TASP1: variants seen among roughly 807,000 people sequenced by gnomAD.
TASP1 encodes threonine aspartase 1.
TASP1 carries 16 observed loss-of-function variants against 56.6 expected under a neutral mutation model. The ratio of observed to expected loss-of-function variants is 0.28; its 90% confidence interval spans 0.19 to 0.43. The LOEUF is 0.43. Among genes scored for constraint, TASP1 ranks in the 20% least tolerant of loss-of-function variants. The pLI, the probability that TASP1 is intolerant of heterozygous loss-of-function variation, is 1.00. For missense variants in TASP1, 393 were observed against 511.6 expected, an observed-to-expected ratio of 0.77 and a Z score of 2.24; for synonymous variants, 179 against 184.2, an observed-to-expected ratio of 0.97 and a Z score of 0.23.
At chr20:13,397,409 AT>A (rs1338107963) in intron 13 of TASP1, among the ~76,000 whole-genome samples, 2 of 151,234 alleles carry the variant, frequency 1.3e-5, no homozygotes, top group Non-Finnish European at 2.9e-5. Flanking sequence ...TACTATACCT[AT>A]TTTTTTCAGA....
the TASP1 span, among the ~76,000 whole-genome samples, chr20:13,246,997 A>G: frequency 6.6e-6 from 1 of 152,084 alleles, no homozygotes; most frequent in Non-Finnish European, 1.5e-5. Flanking sequence ...GCACTTTGGG[A>G]GGCTGAGGCG....
chr20:13,381,700 TCAG>T, the TASP1 span, among the ~76,000 whole-genome samples: 1 of 152,194 alleles, frequency 6.6e-6, no homozygotes, highest in Non-Finnish European at 1.5e-5. Flanking sequence ...TTAGATAAAT[TCAG>T]TTTCTTTGGA....
chr20:13,309,673 G>A, the TASP1 span, among the ~76,000 whole-genome samples: 1 of 152,110 alleles, frequency 6.6e-6, no homozygotes, highest in East Asian at 1.9e-4. Flanking sequence ...GTTTGCAGAT[G>A]GTATTATCTT....
chr20:13,515,659 C>A (rs2146754918), intron 10 of TASP1, among the ~76,000 whole-genome samples: 1 of 151,716 alleles, frequency 6.6e-6, no homozygotes, highest in East Asian at 1.9e-4. Flanking sequence ...GATCAGTACA[C>A]CTTACACTGA....
the TASP1 span, among the ~76,000 whole-genome samples, chr20:13,155,710 C>T: frequency 6.6e-6 from 1 of 152,014 alleles, no homozygotes; most frequent in South Asian, 2.1e-4. Context: ...CCTGTAGTCC[C>T]AGCTACTCGG....
intron 12 of TASP1, among the ~76,000 whole-genome samples, chr20:13,418,633 A>G (rs1451381659): frequency 6.6e-6 from 1 of 152,366 alleles, no homozygotes; most frequent in East Asian, 1.9e-4. Context: ...GGCTATTTAC[A>G]TAGCTTCAAA....
At chr20:13,153,176 A>C in the TASP1 span, among the ~76,000 whole-genome samples, 1 of 152,148 alleles carries the variant, frequency 6.6e-6, no homozygotes, top group Non-Finnish European at 1.5e-5. Context: ...TGGCTTACTT[A>C]CCCACCTGTT....
At chr20:13,638,548 T>A (rs2049396845) in intron 1 of TASP1, among the ~76,000 whole-genome samples, 1 of 152,166 alleles carries the variant, frequency 6.6e-6, no homozygotes, top group African/African-American at 2.4e-5. Flanking sequence ...CTCGGCTGTC[T>A]GCGAACCTCG....
At chr20:13,128,502 G>A in the TASP1 span, among the ~76,000 whole-genome samples, 1 of 152,058 alleles carries the variant, frequency 6.6e-6, no homozygotes, top group Admixed American at 6.5e-5. Context: ...TGGCCCCCAT[G>A]GTTACCAAGG....
chr20:13,275,726 G>A, the TASP1 span, among the ~76,000 whole-genome samples: 1 of 152,248 alleles, frequency 6.6e-6, no homozygotes, highest in East Asian at 1.9e-4. Context: ...ACAGGGCCCA[G>A]TATAGGATAA....
chr20:13,178,302 C>A, the TASP1 span, among the ~76,000 whole-genome samples: 1 of 152,012 alleles, frequency 6.6e-6, no homozygotes, highest in Non-Finnish European at 1.5e-5. Flanking sequence ...ACAGACTGTT[C>A]GTGGGAATGT....
At chr20:13,296,184 C>A in the TASP1 span, among the ~76,000 whole-genome samples, 15 of 152,146 alleles carry the variant, frequency 9.9e-5, no homozygotes, top group Non-Finnish European at 7.3e-5. Context: ...GGTGACCAGC[C>A]CACATTTCCT....
chr20:13,344,591 C>G, the TASP1 span, among the ~76,000 whole-genome samples: 1 of 152,152 alleles, frequency 6.6e-6, no homozygotes, highest in Non-Finnish European at 1.5e-5. Context: ...TTTATTCTCT[C>G]AAAGATCTCC....
intron 4 of TASP1, among the ~76,000 whole-genome samples, chr20:13,597,821 A>C (rs1379637429): frequency 6.6e-6 from 1 of 152,254 alleles, no homozygotes; most frequent in African/African-American, 2.4e-5. Flanking sequence ...GCTGATAAGC[A>C]ACTTCAGCAA....
At chr20:13,360,363 T>C in the TASP1 span, among the ~76,000 whole-genome samples, 41,823 of 144,844 alleles carry the variant, frequency 0.29, 6,699 homozygotes, top group African/African-American at 0.5. Context: ...AATTTCTTCC[T>C]CATCTGTTAC....
chr20:13,241,345 TG>T, the TASP1 span, among the ~76,000 whole-genome samples: 1 of 152,194 alleles, frequency 6.6e-6, no homozygotes, highest in Non-Finnish European at 1.5e-5. Flanking sequence ...AAAGAGTTTT[TG>T]GTTCATGTAA....
At chr20:13,376,283 T>G in the TASP1 span, among the ~76,000 whole-genome samples, 1 of 152,220 alleles carries the variant, frequency 6.6e-6, no homozygotes, top group Admixed American at 6.5e-5. Flanking sequence ...AGTTTCAGTT[T>G]TCTGTATATG....
chr20:13,291,236 G>A, the TASP1 span, among the ~76,000 whole-genome samples: 3 of 152,126 alleles, frequency 2.0e-5, no homozygotes, highest in Non-Finnish European at 2.9e-5. Context: ...CACCCTCCTT[G>A]CATCCTTTCT....
At chr20:13,357,126 A>G in the TASP1 span, among the ~76,000 whole-genome samples, 2 of 152,216 alleles carry the variant, frequency 1.3e-5, no homozygotes, top group Admixed American at 1.3e-4. Context: ...AATCATATAA[A>G]TATAGATGAT....
Sources: gnomAD v4.1 joint callset for allele counts (sites outside exome capture counted in the v4.1 genomes callset) on GRCh38, gnomAD v4.1.1 for gene constraint, MANE v1.5 for transcripts, NCBI Gene and HGNC (gene_info 2026-07-23, HGNC 2026-07-21) for gene names.